LINGO2: variants seen among roughly 807,000 people sequenced by gnomAD.
The protein encoded by LINGO2 is leucine-rich repeat and immunoglobulin-like domain-containing nogo receptor-interacting protein 2.
A neutral mutation model predicts 30.6 loss-of-function variants in LINGO2; 14 were observed. The observed-to-expected ratio is 0.46, with a 90% CI of 0.30 to 0.72. The LOEUF is 0.72. LINGO2 is among the 30% of genes least tolerant of loss of function. The pLI is 0.07. For missense variants in LINGO2, 729 were observed against 751.7 expected, an observed-to-expected ratio of 0.97 and a Z score of 0.35; for synonymous variants, 317 against 288.5, an observed-to-expected ratio of 1.10 and a Z score of -1.00.
chr9:28,274,814 G>A (rs1201240557), intron 4 of LINGO2, among the ~76,000 whole-genome samples: 1 of 152,106 alleles, frequency 6.6e-6, no homozygotes, highest in Admixed American at 6.6e-5. Context: ...AGTTACTACT[G>A]GTACCTTTTC....
chr9:29,009,352 C>G, the LINGO2 span, among the ~76,000 whole-genome samples: 4 of 152,164 alleles, frequency 2.6e-5, no homozygotes, highest in South Asian at 6.2e-4. Flanking sequence ...GATAAAAAAT[C>G]AACGTGCAAA....
chr9:29,141,853 AAT>A, the LINGO2 span, among the ~76,000 whole-genome samples: 1 of 151,948 alleles, frequency 6.6e-6, no homozygotes, highest in Non-Finnish European at 1.5e-5. Context: ...AGGAGCTATA[AAT>A]ATATAACAAT....
chr9:28,682,864 T>C, the LINGO2 span, among the ~76,000 whole-genome samples: 83 of 134,624 alleles, frequency 6.2e-4, no homozygotes, highest in African/African-American at 1.8e-3. Context: ...GTTCTCTCTA[T>C]GGCAGATACT....
the LINGO2 span, among the ~76,000 whole-genome samples, chr9:28,703,601 T>C: frequency 3.3e-5 from 5 of 151,812 alleles, no homozygotes; most frequent in African/African-American, 1.2e-4. Flanking sequence ...TAGATATCAA[T>C]TACAAGTGAT....
chr9:29,043,424 T>C, the LINGO2 span, among the ~76,000 whole-genome samples: 1 of 152,136 alleles, frequency 6.6e-6, no homozygotes, highest in East Asian at 1.9e-4. Context: ...AAGAATCTTA[T>C]AAAAATCGAA....
At chr9:28,655,242 C>G (rs1472254281) in intron 1 of LINGO2, among the ~76,000 whole-genome samples, 1 of 152,042 alleles carries the variant, frequency 6.6e-6, no homozygotes, top group Non-Finnish European at 1.5e-5. Context: ...CTTCCCCTTC[C>G]TCCATGGTTG....
the LINGO2 span, among the ~76,000 whole-genome samples, chr9:28,972,857 G>A: frequency 2.6e-5 from 4 of 152,040 alleles, no homozygotes; most frequent in Admixed American, 6.6e-5. Flanking sequence ...TCACTGTCAC[G>A]AGAACAGCAT....
At chr9:28,856,487 C>A in the LINGO2 span, among the ~76,000 whole-genome samples, 290 of 151,992 alleles carry the variant, frequency 1.9e-3, 1 homozygote, top group African/African-American at 6.9e-3. Flanking sequence ...GGACTGTCCC[C>A]AGAGAAGTAA....
chr9:28,830,046 T>A, the LINGO2 span, among the ~76,000 whole-genome samples: 1 of 152,212 alleles, frequency 6.6e-6, no homozygotes, highest in African/African-American at 2.4e-5. Flanking sequence ...ACATCAGGAC[T>A]AGTCTGTAAA....
chr9:28,918,367 A>G, the LINGO2 span, among the ~76,000 whole-genome samples: 2 of 152,214 alleles, frequency 1.3e-5, no homozygotes, highest in African/African-American at 4.8e-5. Flanking sequence ...TTATGGGAGT[A>G]CAATTCAAGA....
chr9:28,277,486 T>C (rs1298797382), intron 4 of LINGO2, among the ~76,000 whole-genome samples: 1 of 152,132 alleles, frequency 6.6e-6, no homozygotes, highest in Non-Finnish European at 1.5e-5. Flanking sequence ...AATGAAGAAC[T>C]GCACATCTCT....
intron 4 of LINGO2, among the ~76,000 whole-genome samples, chr9:28,083,606 G>C (rs1002173563): frequency 5.3e-5 from 8 of 152,044 alleles, no homozygotes; most frequent in Non-Finnish European, 1.0e-4. Context: ...GCCACATAAT[G>C]GTTCAATAAA....
intron 2 of LINGO2, among the ~76,000 whole-genome samples, chr9:28,407,014 G>T (rs1822541009): frequency 6.6e-6 from 1 of 151,902 alleles, no homozygotes; most frequent in African/African-American, 2.4e-5. Flanking sequence ...CCAACTGCAG[G>T]GGCTAAGTTT....
intron 4 of LINGO2, among the ~76,000 whole-genome samples, chr9:28,232,828 C>A (rs1821405775): frequency 6.6e-6 from 1 of 151,414 alleles, no homozygotes; most frequent in South Asian, 2.1e-4. Context: ...TGACTTCTTG[C>A]ATTCCCCATA....
chr9:28,564,432 C>A (rs926274818), intron 1 of LINGO2, among the ~76,000 whole-genome samples: 1 of 152,096 alleles, frequency 6.6e-6, no homozygotes, highest in Non-Finnish European at 1.5e-5. Context: ...ACCAGACTTA[C>A]AGGCACCAAC....
the LINGO2 span, among the ~76,000 whole-genome samples, chr9:28,983,325 A>AG: frequency 6.6e-6 from 1 of 151,850 alleles, no homozygotes; most frequent in East Asian, 1.9e-4. Context: ...ATCCAAAAAA[A>AG]AAAAAAAAAG....
intron 4 of LINGO2, among the ~76,000 whole-genome samples, chr9:28,220,775 G>T (rs1820930579): frequency 6.6e-6 from 1 of 151,994 alleles, no homozygotes. Flanking sequence ...AAAAATTGAG[G>T]TGTAGATGCC....
chr9:28,769,120 CA>C, the LINGO2 span, among the ~76,000 whole-genome samples: 1 of 151,654 alleles, frequency 6.6e-6, no homozygotes. Flanking sequence ...TTCTCCCTCC[CA>C]TTTTTTAAGG....
the LINGO2 span, among the ~76,000 whole-genome samples, chr9:28,978,716 TCAATGCCAAGCATTA>T: frequency 6.6e-6 from 1 of 152,028 alleles, no homozygotes; most frequent in Non-Finnish European, 1.5e-5. Flanking sequence ...TCTGCTTTAA[TCAATGCCAAGCATTA>T]CAACTGAGTC....
Sources: gnomAD v4.1 joint callset for allele counts (sites outside exome capture counted in the v4.1 genomes callset) on GRCh38, gnomAD v4.1.1 for gene constraint, MANE v1.5 for transcripts, NCBI Gene and HGNC (gene_info 2026-07-23, HGNC 2026-07-21) for gene names.